TACC3: variants seen among roughly 807,000 people sequenced by gnomAD.
The protein encoded by TACC3 is transforming acidic coiled-coil-containing protein 3.
In TACC3, 52 loss-of-function variants were observed where a neutral mutation model predicts 86.0. That is an observed-to-expected ratio of 0.60 (90% confidence interval 0.48 to 0.76). The LOEUF (loss-of-function observed/expected upper bound fraction) is 0.76. Ranked by LOEUF, TACC3 falls within the 30% of genes least tolerant of loss-of-function variation. TACC3 has a pLI of 0.00. For synonymous variants in TACC3, 512 were observed against 430.0 expected, an observed-to-expected ratio of 1.19 and a Z score of -2.36; for missense variants, 1,120 against 1,070.4, an observed-to-expected ratio of 1.05 and a Z score of -0.65.
chr4:1,725,502 T>C (rs1181477818), intron 3 of TACC3, among the ~76,000 whole-genome samples: 4 of 152,200 alleles, frequency 2.6e-5, no homozygotes, highest in African/African-American at 9.7e-5. Context: ...AACATTGGTT[T>C]ACAACGACCC....
chr4:1,734,334 C>T (rs766440815), intron 6 of TACC3, among the ~76,000 whole-genome samples: 4 of 152,018 alleles, frequency 2.6e-5, no homozygotes, highest in Non-Finnish European at 5.9e-5. Context: ...ATTACAGGCT[C>T]ATGCCACCGT....
In TACC3 at chr4:1,727,789, G is replaced by T; in HGVS notation, c.387G>T (p.Leu129=). The T allele has an allele frequency of 6.2e-7, 1 of 1,613,112 alleles. No individual in the cohort carries two copies. The highest frequency in any genetic ancestry group is 8.5e-7 in the Non-Finnish European group (1 of 1,179,886). ...CAGTGGAGGCTGACACCGACCTCCT[G>T]GGGGATGCAAGCCCAGCCTTTGGGA... ...QKPVEADTDL[L]GDASPAFGSG... is the part of the protein sequence containing the mutation. Residue 129 remains leucine, a synonymous_variant, in exon 4 of 16, where the codon CTG becomes CTT. Coordinates refer to ENST00000313288, the MANE Select transcript of TACC3 (RefSeq NM_006342.3).
Position 1,739,962 on chromosome 4 carries a change from G to A in TACC3, c.2022G>A (p.Lys674=), listed in dbSNP as rs918542150. 2.5e-6 allele frequency: 4 copies of A among 1,613,190 alleles called. No homozygotes were observed. In the Admixed American group the frequency reaches 5.0e-5, roughly 20 times the overall value. ...ELHGKNLELG[K]IMDRFEEVVY... ...TGTGTCTGTTCTCCTCCCACAGGAA[G>A]ATCATGGACAGGTTCGAAGAGGTTG... The change falls in exon 12 of 16, where the codon AAG becomes AAA. Residue 674 remains lysine (K), a synonymous_variant. Transcript: ENST00000313288.
At position 1,740,878 on chromosome 4, in the gene TACC3, A is replaced by G; in HGVS notation, c.2115A>G (p.Leu705=). 1 of 1,613,128 alleles carries G rather than the reference A, an allele frequency of 6.2e-7. No individual in the cohort carries two copies. ...CCAAAGCTGAAATCCAGAAAGTTCT[A>G]AAAGAAAAAGACCAACTTACCACAG... ...ELSKAEIQKV[L]KEKDQLTTDL... Residue 705 remains leucine (L), a synonymous_variant, in exon 13 of 16, where the codon CTA becomes CTG. Transcript: ENST00000313288.
chr4:1,727,675 G>T (rs540742563), intron 3 of TACC3, 33 bp from the exon 4 acceptor site: 1 of 1,542,762 alleles, frequency 6.5e-7, no homozygotes, highest in Non-Finnish European at 8.7e-7. Context: ...CCAGGTACTC[G>T]CTGCTTCACG....
intron 1 of TACC3, among the ~76,000 whole-genome samples, chr4:1,722,198 C>A (rs1050053734): frequency 3.3e-5 from 5 of 152,202 alleles, no homozygotes; most frequent in Non-Finnish European, 7.3e-5. Flanking sequence ...GAGCCCCTCC[C>A]GGGCCTCCAT....
Position 1,735,680 on chromosome 4 carries a change from G to A in TACC3, c.1645-51G>A, listed in dbSNP as rs755625426. On this transcript the variant is annotated intron_variant, in intron 7 of 15. Transcript: ENST00000313288. This position sits in a 1 kb window ranked among gnomAD's most constrained non-coding sequence, Gnocchi z 4.2. ...GACCTCCCTGGCCCTTAGCCCCCGT[G>A]TGTGTTAGGGGATGGCAGTCAGACC... is the stretch of plus-strand genomic sequence containing the variant. 18,960 of 1,448,032 alleles carry A rather than the reference G, an allele frequency of 0.013. 251 individuals are homozygous for A. Among genetic ancestry groups the A allele is most frequent in the Non-Finnish European group, 0.015 (15,352 of 1,031,748 alleles). The allele number at this position is 1,448,032 out of a possible 1,614,324, so 89.7% of individuals were successfully genotyped here.
rs1560299956 is a variant in TACC3 at position 1,728,313 on chromosome 4, C to T, written c.911C>T (p.Pro304Leu). The T allele has an allele frequency of 6.2e-7, 1 of 1,612,970 alleles. No individual in the cohort carries two copies. Among genetic ancestry groups the T allele is most frequent in the Admixed American group, 1.7e-5 (1 of 60,028 alleles). ...AHTSAPESTAPTNHLVAGRAM... is the reference protein window; with the variant it reads ...AHTSAPESTALTNHLVAGRAM... ...ACCTCTGCTCCTGAGAGCACAGCCC[C>T]AACCAACCACCTGGTGGCTGGCAGG... is the stretch of plus-strand genomic sequence containing the variant. The change falls in exon 4 of 16, where the codon CCA becomes CTA. Residue 304 changes from proline to leucine, a missense_variant. Coordinates refer to ENST00000313288, the MANE Select transcript of TACC3 (RefSeq NM_006342.3).
chr4:1,721,828 C>T (rs1376768658), intron 1 of TACC3, 185 bp downstream of exon 1: 1 of 152,324 alleles, frequency 6.6e-6, no homozygotes, highest in Non-Finnish European at 1.5e-5. Flanking sequence ...GGACCCGGCC[C>T]TAGACCGACC....
Position 1,744,727 on chromosome 4 carries a change from C to T in TACC3, c.2346C>T (p.Ile782=), listed in dbSNP as rs373593258. 3.7e-6 allele frequency: 6 copies of T among 1,612,474 alleles called. No homozygotes were observed. Among genetic ancestry groups the T allele is most frequent in the African/African-American group, 2.7e-5 (2 of 74,946 alleles). Reference sequence around the variant, plus strand: ...ACCCCTCCAGGGCAAACGAGGAGATCGCCCAGGTCCGGAGCAAGGCCCAGG... The same window carrying T: ...ACCCCTCCAGGGCAAACGAGGAGATTGCCCAGGTCCGGAGCAAGGCCCAGG... ...EEKLQLANEE[I]AQVRSKAQAE... is the part of the protein sequence containing the mutation. Residue 782 remains isoleucine, a synonymous_variant, in exon 15 of 16, where the codon ATC becomes ATT. Coordinates refer to ENST00000313288, the MANE Select transcript of TACC3 (RefSeq NM_006342.3).
Position 1,728,191 on chromosome 4 carries a change from A to G in TACC3, c.789A>G (p.Ala263=), listed in dbSNP as rs749463831. Residue 263 remains alanine (A), a synonymous_variant, in exon 4 of 16, where the codon GCA becomes GCG. Coordinates refer to ENST00000313288, the MANE Select transcript of TACC3 (RefSeq NM_006342.3). The part of the protein sequence containing the change: ...GAIPKEACGG[A]PLQGLPGEAL... ...TCCCTAAGGAAGCCTGCGGAGGAGCACCCCTGCAGGGTCTGCCTGGCGAAG... is the reference window on the plus strand; with the variant it reads ...TCCCTAAGGAAGCCTGCGGAGGAGCGCCCCTGCAGGGTCTGCCTGGCGAAG... 19 of 1,611,512 alleles carry G rather than the reference A, an allele frequency of 1.2e-5. No homozygotes were observed.
chr4:1,731,452 G>GAT, intron 6 of TACC3, 151 bp downstream of exon 6: 1 of 895,244 alleles, frequency 1.1e-6, no homozygotes, highest in Non-Finnish European at 1.7e-6. Context: ...ACAAACTTGT[G>GAT]GTTTGTCAAA....
intron 3 of TACC3, among the ~76,000 whole-genome samples, chr4:1,726,965 A>G (rs908974196): frequency 2.6e-5 from 4 of 152,162 alleles, no homozygotes; most frequent in African/African-American, 9.7e-5. Context: ...TGTCTCTACT[A>G]AAAATACAAA....
intron 3 of TACC3, among the ~76,000 whole-genome samples, chr4:1,725,928 C>T (rs1427175163): frequency 6.6e-6 from 1 of 152,266 alleles, no homozygotes; most frequent in Non-Finnish European, 1.5e-5. Context: ...TGTGAGCAGT[C>T]TGACAGGTCC....
At chr4:1,741,259 C>T (rs1718586194) in intron 13 of TACC3, 1 of 318,734 alleles carries the variant, frequency 3.1e-6, no homozygotes. Flanking sequence ...TATGATCAGG[C>T]ATCTGTGAGA....
At position 1,728,694 on chromosome 4, in the gene TACC3, C is replaced by T. The variant is rs750590588; in HGVS notation, c.1292C>T (p.Pro431Leu). 1 of 1,613,662 alleles carries T rather than the reference C, an allele frequency of 6.2e-7. No homozygotes were observed. Residue 431 changes from proline (P) to leucine (L), a missense_variant, in exon 4 of 16, where the codon CCC (proline) becomes CTC (leucine). Transcript: ENST00000313288. ...AAGTCTGGTTGCAGTGAGGCCCAGC[C>T]CCCAGAAAGCCCTGAGACCAGGCTG... ...DTKSGCSEAQ[P>L]PESPETRLGQ... is the part of the protein sequence containing the mutation.
At chr4:1,730,850 T>TG in intron 4 of TACC3, 37 bp from the exon 5 acceptor site, 2 of 1,025,266 alleles carry the variant, frequency 2.0e-6, no homozygotes, top group Non-Finnish European at 2.7e-6. Context: ...GGTTATGGGG[T>TG]GGGGGGCATG....
chr4:1,744,900 G>C (rs754853599), intron 15 of TACC3, 48 bp from the exon 16 acceptor site: 5 of 1,611,196 alleles, frequency 3.1e-6, no homozygotes, highest in South Asian at 1.1e-5. Context: ...TGGGCCTGCT[G>C]CTCCCTCCAA....
At chr4:1,744,493 A>T (rs1422298987) in intron 13 of TACC3, 25 bp from the exon 14 acceptor site, 4 of 1,605,386 alleles carry the variant, frequency 2.5e-6, no homozygotes, top group African/African-American at 1.3e-5. Context: ...CGTGGTACCC[A>T]CAGCTAATGC....
Sources: allele counts gnomAD v4.1 joint callset (sites outside exome capture counted in the v4.1 genomes callset), GRCh38; gene constraint gnomAD v4.1.1; non-coding constraint Gnocchi (gnomAD v3.1); transcripts MANE v1.5; gene names NCBI Gene and HGNC (gene_info 2026-07-23, HGNC 2026-07-21).